HPCAL1: variants seen among roughly 807,000 people sequenced by gnomAD.
HPCAL1 encodes the protein hippocalcin like 1.
HPCAL1 carries 8 observed loss-of-function variants against 17.1 expected under a neutral mutation model. The observed-to-expected ratio is 0.47, with a 90% CI of 0.27 to 0.84. The LOEUF is 0.84. Ranked by LOEUF, HPCAL1 falls within the 40% of genes least tolerant of loss-of-function variation. The pLI, the probability that HPCAL1 is intolerant of heterozygous loss-of-function variation, is 0.13. For missense variants in HPCAL1, 165 were observed against 271.1 expected (o/e 0.61, Z 2.75); for synonymous variants, 112 against 111.4 (o/e 1.01, Z -0.03).
Position 10,405,300 on chromosome 2 carries a change from A to G in HPCAL1, c.-25+8380A>G, listed in dbSNP as rs181282925. On this transcript the variant is annotated intron_variant, in intron 2 of 4. Coordinates refer to ENST00000307845, the MANE Select transcript of HPCAL1 (RefSeq NM_002149.4). ...CCCCTGAAGCTGGCATTCTGGTTCA[A>G]TTTTACAGAGGAGCAAACAGGCTGG... Among the ~76,000 whole-genome samples, 825 of 152,250 alleles carry G rather than the reference A, an allele frequency of 5.4e-3. 9 individuals carry two copies. The highest frequency in any genetic ancestry group is 0.018 in the African/African-American group (768 of 41,556).
At chr2:10,375,200 C>A (rs1393834895) in intron 1 of HPCAL1, among the ~76,000 whole-genome samples, 1 of 152,260 alleles carries the variant, frequency 6.6e-6, no homozygotes, top group Non-Finnish European at 1.5e-5. Flanking sequence ...CAGGCCCTGG[C>A]TGGATGCATA....
chr2:10,426,295 C>G (rs574588344), intron 4 of HPCAL1: 3 of 182,444 alleles, frequency 1.6e-5, no homozygotes, highest in African/African-American at 7.1e-5. Flanking sequence ...AGCGGGTCTA[C>G]GCTGATGCCA....
At chr2:10,305,663 A>G (rs1662574766) in intron 1 of HPCAL1, among the ~76,000 whole-genome samples, 1 of 152,226 alleles carries the variant, frequency 6.6e-6, no homozygotes, top group African/African-American at 2.4e-5. Flanking sequence ...CCCCAGAAGA[A>G]CAGAGATTTG....
intron 1 of HPCAL1, among the ~76,000 whole-genome samples, chr2:10,381,426 G>A (rs961739571): frequency 6.6e-6 from 1 of 152,178 alleles, no homozygotes; most frequent in African/African-American, 2.4e-5. Flanking sequence ...TGGATGCGAC[G>A]CTCCTTCTGG....
chr2:10,303,298 TG>T (rs1662384588), intron 1 of HPCAL1, 121 bp downstream of exon 1: 2 of 152,488 alleles, frequency 1.3e-5, no homozygotes, highest in African/African-American at 4.8e-5. Flanking sequence ...TGCGCGCGTG[TG>T]TGTGTCCGGG....
chr2:10,353,759 G>A (rs1665976357), intron 1 of HPCAL1, among the ~76,000 whole-genome samples: 1 of 152,072 alleles, frequency 6.6e-6, no homozygotes, highest in Non-Finnish European at 1.5e-5. Flanking sequence ...TAGTAGACGA[G>A]GTCTCACTAT....
At chr2:10,396,766 C>A (rs532309014) in intron 1 of HPCAL1, 69 bp from the exon 2 acceptor site, 19 of 152,432 alleles carry the variant, frequency 1.2e-4, no homozygotes, top group Admixed American at 3.3e-4. Flanking sequence ...CAGAAGCAAC[C>A]AGAGGGAGGG....
chr2:10,380,778 C>T (rs1667893138), intron 1 of HPCAL1, among the ~76,000 whole-genome samples: 1 of 152,170 alleles, frequency 6.6e-6, no homozygotes, highest in South Asian at 2.1e-4. Context: ...CCCCTGGCAT[C>T]CTGCACTCAC....
chr2:10,409,634 T>C (rs1670204122), intron 2 of HPCAL1, among the ~76,000 whole-genome samples: 1 of 152,122 alleles, frequency 6.6e-6, no homozygotes. Flanking sequence ...AACCTGTTTG[T>C]CTTCCACCGG....
chr2:10,351,911 CT>C (rs532441714), intron 1 of HPCAL1, among the ~76,000 whole-genome samples: 218 of 139,278 alleles, frequency 1.6e-3, no homozygotes, highest in East Asian at 1.9e-3. Flanking sequence ...TTCTTTCTTT[CT>C]TTTTTTTTTT....
At chr2:10,338,154 A>G (rs1277168040) in intron 1 of HPCAL1, among the ~76,000 whole-genome samples, 1 of 151,984 alleles carries the variant, frequency 6.6e-6, no homozygotes, top group African/African-American at 2.4e-5. Flanking sequence ...GACAGAAAAT[A>G]GATTCGTGAT....
chr2:10,390,719 A>G (rs1572791994), intron 1 of HPCAL1, among the ~76,000 whole-genome samples: 1 of 152,032 alleles, frequency 6.6e-6, no homozygotes, highest in Non-Finnish European at 1.5e-5. Context: ...CTTTTCCAGT[A>G]CCCTTTCCCA....
intron 2 of HPCAL1, among the ~76,000 whole-genome samples, chr2:10,408,390 T>C (rs1490050792): frequency 1.3e-5 from 2 of 152,182 alleles, no homozygotes; most frequent in African/African-American, 4.8e-5. Context: ...CAACAACAGG[T>C]CATTGGCCTG....
chr2:10,400,883 G>A (rs1054839318), intron 2 of HPCAL1, among the ~76,000 whole-genome samples: 8 of 152,228 alleles, frequency 5.3e-5, no homozygotes, highest in African/African-American at 1.9e-4. Flanking sequence ...CTGCAGGACC[G>A]CCAGGTGCCT....
intron 1 of HPCAL1, among the ~76,000 whole-genome samples, chr2:10,380,052 T>C (rs1667842823): frequency 6.6e-6 from 1 of 151,676 alleles, no homozygotes; most frequent in African/African-American, 2.4e-5. Context: ...TAGAACCACT[T>C]CAGAAAAGCT....
chr2:10,382,712 G>A (rs932975708), intron 1 of HPCAL1, among the ~76,000 whole-genome samples: 3 of 151,144 alleles, frequency 2.0e-5, no homozygotes, highest in African/African-American at 7.3e-5. Context: ...TGAGGTTCTG[G>A]ATGAGAAGCC....
intron 1 of HPCAL1, among the ~76,000 whole-genome samples, chr2:10,373,111 C>A (rs1055023474): frequency 6.6e-6 from 1 of 152,174 alleles, no homozygotes; most frequent in Non-Finnish European, 1.5e-5. Context: ...CTGAGAGCTG[C>A]GAGCCGGGGC....
intron 1 of HPCAL1, among the ~76,000 whole-genome samples, chr2:10,308,337 A>T (rs1662751879): frequency 6.6e-6 from 1 of 152,336 alleles, no homozygotes; most frequent in East Asian, 1.9e-4. Flanking sequence ...TCAGTAAATT[A>T]ATAGAGTTCA....
At chr2:10,364,474 C>T (rs1666720727) in intron 1 of HPCAL1, among the ~76,000 whole-genome samples, 1 of 152,164 alleles carries the variant, frequency 6.6e-6, no homozygotes, top group Non-Finnish European at 1.5e-5. Flanking sequence ...GTGTGGGGCA[C>T]GAGGAGGCCG....
Sources: gnomAD v4.1 joint callset for allele counts (sites outside exome capture counted in the v4.1 genomes callset) on GRCh38, gnomAD v4.1.1 for gene constraint, MANE v1.5 for transcripts, NCBI Gene and HGNC (gene_info 2026-07-23, HGNC 2026-07-21) for gene names.